UTP11: variants seen among roughly 807,000 people sequenced by gnomAD.
UTP11 encodes probable U3 small nucleolar RNA-associated protein 11.
A neutral mutation model predicts 39.0 loss-of-function variants in UTP11; 29 were observed. The ratio of observed to expected loss-of-function variants is 0.74; its 90% confidence interval spans 0.55 to 1.01. UTP11 has a LOEUF of 1.01. Among genes scored for constraint, UTP11 ranks in the 50% least tolerant of loss-of-function variants. The pLI is 0.00. For missense variants in UTP11, 281 were observed against 306.0 expected (o/e 0.92, Z 0.61); for synonymous variants, 111 against 105.0 (o/e 1.06, Z -0.35).
chr1:38,022,842 T>C, intron 7 of UTP11, 33 bp downstream of exon 7: 1 of 1,485,554 alleles, frequency 6.7e-7, no homozygotes, highest in Non-Finnish European at 9.2e-7. Flanking sequence ...CTCTTTTTTT[T>C]TTTTTCCCCC....
chr1:38,013,031 G>C (rs1049031420), intron 1 of UTP11, among the ~76,000 whole-genome samples, 166 bp downstream of exon 1: 1 of 152,262 alleles, frequency 6.6e-6, no homozygotes, highest in Non-Finnish European at 1.5e-5. Flanking sequence ...TCGTGGGAAC[G>C]AGTGGAGGGG....
At chr1:38,015,425 TG>T (rs1646702691) in intron 1 of UTP11, among the ~76,000 whole-genome samples, 1 of 152,220 alleles carries the variant, frequency 6.6e-6, no homozygotes, top group African/African-American at 2.4e-5. Context: ...CTAGGGAGAA[TG>T]GGTTCTAGTT....
intron 1 of UTP11, among the ~76,000 whole-genome samples, chr1:38,014,114 G>A (rs1646693700): frequency 6.6e-6 from 1 of 152,228 alleles, no homozygotes; most frequent in South Asian, 2.1e-4. Flanking sequence ...TGAAGTGGAT[G>A]TTACCCTCAT....
In UTP11 at chr1:38,012,782, C is replaced by T. The variant is rs779659828; in HGVS notation, c.-21C>T. Reference sequence around the variant, plus strand: ...TGCGGATCCGGCGTTCTCCACTGATCTTTTCCAAGGCTGTACAGACATGGC... The same window carrying T: ...TGCGGATCCGGCGTTCTCCACTGATTTTTTCCAAGGCTGTACAGACATGGC... On this transcript the variant is annotated 5_prime_UTR_variant, in exon 1 of 8. Coordinates refer to ENST00000373014, the MANE Select transcript of UTP11 (RefSeq NM_016037.4). The T allele has an allele frequency of 4.3e-6, 7 of 1,614,078 alleles. No homozygotes were observed. Among genetic ancestry groups the T allele is most frequent in the African/African-American group, 1.3e-5 (1 of 74,938 alleles).
At chr1:38,021,719 CCT>C (rs1646738515) in intron 6 of UTP11, among the ~76,000 whole-genome samples, 1 of 152,062 alleles carries the variant, frequency 6.6e-6, no homozygotes, top group African/African-American at 2.4e-5. Context: ...GTAGTGAAAC[CCT>C]GTCTCTACTA....
At chr1:38,016,895 C>A (rs1290425731) in intron 2 of UTP11, 2 of 166,002 alleles carry the variant, frequency 1.2e-5, no homozygotes, top group Non-Finnish European at 2.7e-5. Flanking sequence ...TATCCCCATT[C>A]TTGTTCTCTG....
chr1:38,024,621 A>G lies in UTP11; in HGVS notation c.*993A>G, dbSNP rs1381498131. On this transcript the variant is annotated 3_prime_UTR_variant, in exon 8 of 8. Transcript: ENST00000373014. ...ACGGGGTTTCACCTTGTTAGCCAGG[A>G]TGGTCTCGATCTCCTGACCTCATGA... is the stretch of plus-strand genomic sequence containing the variant. 1 of 150,984 alleles carries G rather than the reference A, an allele frequency of 6.6e-6. No homozygotes were observed. Among genetic ancestry groups the G allele is most frequent in the Non-Finnish European group, 1.5e-5 (1 of 67,682 alleles). 9.4% of individuals were successfully genotyped at this position (150,984 alleles called of 1,614,324 possible). A position where few individuals can be genotyped will look rare whatever the true frequency, so the allele number is the denominator to read the frequency against.
chr1:38,020,075 C>T (rs1646727987), intron 6 of UTP11, among the ~76,000 whole-genome samples: 1 of 152,070 alleles, frequency 6.6e-6, no homozygotes, highest in Non-Finnish European at 1.5e-5. Context: ...GAACCTTTAG[C>T]AGTGAATACG....
Position 38,022,775 on chromosome 1 carries a change from T to A in UTP11, c.644T>A (p.Ile215Asn), listed in dbSNP as rs969116971. The A allele has an allele frequency of 6.2e-7, 1 of 1,613,700 alleles. No individual in the cohort carries two copies. Among genetic ancestry groups the A allele is most frequent in the East Asian group, 2.2e-5 (1 of 44,890 alleles). Reference sequence around the variant, plus strand: ...GAACGAGAGAAGAAATTGTTCGTTATTGCTCAGAAAATTCAAACACGCAAA... The same window carrying A: ...GAACGAGAGAAGAAATTGTTCGTTAATGCTCAGAAAATTCAAACACGCAAA... ...RIEREKKLFV[I>N]AQKIQTRKDL... is the part of the protein sequence containing the mutation. The change falls in exon 7 of 8, where the codon ATT becomes AAT. Residue 215 changes from isoleucine (I) to asparagine (N), a missense_variant. Physicochemically the swap from Ile to Asn is moderately radical, Grantham distance 149. Coordinates refer to ENST00000373014, the MANE Select transcript of UTP11 (RefSeq NM_016037.4).
intron 6 of UTP11, among the ~76,000 whole-genome samples, chr1:38,021,779 G>C (rs1315483614): frequency 6.6e-6 from 1 of 152,036 alleles, no homozygotes; most frequent in Non-Finnish European, 1.5e-5. Flanking sequence ...TGTAATCCCA[G>C]CTACTAGGGA....
intron 6 of UTP11, among the ~76,000 whole-genome samples, chr1:38,020,629 T>C (rs538945329): frequency 1.3e-5 from 2 of 152,352 alleles, no homozygotes; most frequent in South Asian, 4.1e-4. Context: ...CAGTTTTGCT[T>C]CCAATGTTTA....
Position 38,019,384 on chromosome 1 carries a change from G to C in UTP11, c.567+1G>C, listed in dbSNP as rs1464613783. 7 of 1,607,094 alleles carry C rather than the reference G, an allele frequency of 4.4e-6. No homozygotes were observed. Among genetic ancestry groups the C allele is most frequent in the Non-Finnish European group, 6.0e-6 (7 of 1,176,336 alleles). On this transcript the variant is annotated splice_donor_variant, in intron 6 of 7. Coordinates refer to ENST00000373014, the MANE Select transcript of UTP11 (RefSeq NM_016037.4). LOFTEE classifies it high-confidence loss of function. ...AGTTACCAATCAGACTGGACTTAAGGTAATTTTCTCTGTTGTTCTTCACAT... is the reference window on the plus strand; with the variant it reads ...AGTTACCAATCAGACTGGACTTAAGCTAATTTTCTCTGTTGTTCTTCACAT...
intron 1 of UTP11, among the ~76,000 whole-genome samples, chr1:38,015,269 A>G (rs2148736688): frequency 6.6e-6 from 1 of 152,206 alleles, no homozygotes; most frequent in East Asian, 1.9e-4. Context: ...TGCCCCACCC[A>G]CCGTGGCCTC....
intron 7 of UTP11, 60 bp downstream of exon 7, chr1:38,022,869 G>T (rs939879834): frequency 1.0e-5 from 12 of 1,188,660 alleles, no homozygotes; most frequent in Non-Finnish European, 1.5e-5. Flanking sequence ...TTCTTGTAAA[G>T]GTCTTAACTC....
Position 38,024,624 on chromosome 1 carries a change from G to T in UTP11, c.*996G>T. The T allele has an allele frequency of 6.7e-6, 1 of 149,912 alleles. No homozygotes were observed. Among genetic ancestry groups the T allele is most frequent in the Non-Finnish European group, 1.5e-5 (1 of 67,410 alleles). 9.3% of individuals were successfully genotyped at this position (149,912 alleles called of 1,614,324 possible). The stretch of plus-strand genomic sequence containing the variant: ...GGGTTTCACCTTGTTAGCCAGGATG[G>T]TCTCGATCTCCTGACCTCATGATCC... On this transcript the variant is annotated 3_prime_UTR_variant, in exon 8 of 8. Coordinates refer to ENST00000373014, the MANE Select transcript of UTP11 (RefSeq NM_016037.4).
Position 38,017,746 on chromosome 1 carries a change from C to T in UTP11, c.204C>T (p.Tyr68=), listed in dbSNP as rs771432658. The T allele has an allele frequency of 2.5e-6, 4 of 1,609,238 alleles. No homozygotes were observed. The African/African-American group carries it at 4.0e-5, about 16-fold the overall frequency. ...ALEKNPDEFY[Y]KMTRVKLQDG... is the part of the protein sequence containing the mutation. Reference sequence around the variant, plus strand: ...AAAAAAATCCAGATGAATTCTACTACAAAATGACTCGGGTTAAACTCCAGG... The same window carrying T: ...AAAAAAATCCAGATGAATTCTACTATAAAATGACTCGGGTTAAACTCCAGG... Residue 68 remains tyrosine, a synonymous_variant, in exon 3 of 8, where the codon TAC becomes TAT. Transcript: ENST00000373014.
Position 38,023,293 on chromosome 1 carries a change from T to C in UTP11, c.679-252T>C, listed in dbSNP as rs115313813. Among the ~76,000 whole-genome samples the C allele has an allele frequency of 3.1e-3, 475 of 152,354 alleles. 4 individuals carry two copies. The highest frequency in any genetic ancestry group is 0.011 in the African/African-American group (460 of 41,586). ...GGGTTCCGTGAGAGAATTAAAATTA[T>C]AATTTTAAATGAAACAACTACTTGA... On this transcript the variant is annotated intron_variant, in intron 7 of 7. Coordinates refer to ENST00000373014, the MANE Select transcript of UTP11 (RefSeq NM_016037.4).
intron 1 of UTP11, among the ~76,000 whole-genome samples, chr1:38,015,025 TTTTG>T (rs1369558950): frequency 6.6e-6 from 1 of 152,066 alleles, no homozygotes; most frequent in African/African-American, 2.4e-5. Flanking sequence ...ACAAGTTTTT[TTTTG>T]TTTGTTTTTT....
In UTP11 at chr1:38,023,568, GAAGA is replaced by G. The variant is rs1646749685; in HGVS notation, c.709_712del (p.Glu237ArgfsTer2). 6.2e-7 allele frequency: 1 copy of G among 1,611,494 alleles called. No individual in the cohort carries two copies. ...AGGATAAAACTCAGAAAGTGAAGGT[GAAGA>G]AAGAAACGGTGAACTCCCCAGCTAT... On this transcript the variant is annotated frameshift_variant, in exon 8 of 8. Coordinates refer to ENST00000373014, the MANE Select transcript of UTP11 (RefSeq NM_016037.4). LOFTEE classifies it high-confidence loss of function.
Sources: gnomAD v4.1 joint callset for allele counts (sites outside exome capture counted in the v4.1 genomes callset) on GRCh38, gnomAD v4.1.1 for gene constraint, MANE v1.5 for transcripts, NCBI Gene and HGNC (gene_info 2026-07-23, HGNC 2026-07-21) for gene names.